Variants in ARPC5 observed in about 807,000 individuals in gnomAD.
ARPC5 encodes the protein actin related protein 2/3 complex subunit 5, also known as actin-related protein 2/3 complex subunit 5.
Under a neutral mutation model 15.4 loss-of-function variants are expected in ARPC5, and 5 were observed. The ratio of observed to expected loss-of-function variants is 0.32; its 90% confidence interval spans 0.17 to 0.68. ARPC5 has a LOEUF of 0.68. Ranked by LOEUF, ARPC5 falls within the 30% of genes least tolerant of loss-of-function variation. ARPC5 has a pLI of 0.71. For missense variants in ARPC5, 138 were observed against 192.8 expected (o/e 0.72, Z 1.68); for synonymous variants, 85 against 72.2 (o/e 1.18, Z -0.90).
chr1:183,632,189 T>G (rs1357415641), intron 2 of ARPC5: 1 of 152,234 alleles, frequency 6.6e-6, no homozygotes, highest in African/African-American at 2.4e-5. Context: ...TGAATAGCTA[T>G]GGACAACGGG....
Position 183,623,383 on chromosome 1 carries a change from T to C in ARPC5, c.*4149A>G. The C allele has an allele frequency of 6.5e-7, 1 of 1,547,626 alleles. No homozygotes were observed. On this transcript the variant is annotated 3_prime_UTR_variant, in exon 4 of 4. Coordinates refer to ENST00000359856, the MANE Select transcript of ARPC5 (RefSeq NM_005717.4). ...GCTTGTGGTTGGATCATCAATGTGG[T>C]GAAGTAGCACCACCTTGAGGCAGAT... is the stretch of plus-strand genomic sequence containing the variant.
At position 183,635,639 on chromosome 1, in the gene ARPC5, C is replaced by T. The variant is rs746904455; in HGVS notation, c.21G>A (p.Ser7=). ...CGTCCACCTTCCGGAAGCGGGCCGACGACACTGTGTTCTTCGACATCCCAA... is the reference window on the plus strand; with the variant it reads ...CGTCCACCTTCCGGAAGCGGGCCGATGACACTGTGTTCTTCGACATCCCAA... MSKNTV[S]SARFRKVDVD... The change falls in exon 1 of 4, where the codon TCG becomes TCA. Residue 7 remains serine (S), a synonymous_variant. Coordinates refer to ENST00000359856, the MANE Select transcript of ARPC5 (RefSeq NM_005717.4). The T allele has an allele frequency of 1.9e-6, 3 of 1,612,994 alleles. No homozygotes were observed. Among genetic ancestry groups the T allele is most frequent in the African/African-American group, 1.3e-5 (1 of 74,864 alleles).
rs982116944 is a variant in ARPC5, at chr1:183,632,971, T to C, written c.216+111A>G. ...TATCAAACTACATTATAAACTCTTC[T>C]ATGTCAAAGATAGCAAACAGTTAAA... On this transcript the variant is annotated intron_variant, in intron 2 of 3. Transcript: ENST00000359856. 7 of 837,552 alleles carry C rather than the reference T, an allele frequency of 8.4e-6. No homozygotes were observed. The African/African-American group carries it at 9.0e-5, about 11-fold the overall frequency. 51.9% of individuals were successfully genotyped at this position (837,552 alleles called of 1,614,324 possible). A position where few individuals can be genotyped will look rare whatever the true frequency, so the allele number is the denominator to read the frequency against.
Position 183,633,160 on chromosome 1 carries a change from G to A in ARPC5, c.144-6C>T. ...GGGCAGCTGTCATGTTTCCTGTGAT[G>A]GAAGTTAAGGGTGTAACAGCAAAGG... On this transcript the variant is annotated splice_polypyrimidine_tract_variant and splice_region_variant and intron_variant, in intron 1 of 3. Coordinates refer to ENST00000359856, the MANE Select transcript of ARPC5 (RefSeq NM_005717.4). 2 of 1,594,046 alleles carry A rather than the reference G, an allele frequency of 1.3e-6. No individual in the cohort carries two copies. The highest frequency in any genetic ancestry group is 2.3e-5 in the South Asian group (2 of 87,418).
rs1245415280 is a variant in ARPC5, at chr1:183,627,613, G to A, written c.394-19C>T. On this transcript the variant is annotated intron_variant, in intron 3 of 3. Transcript: ENST00000359856. Reference sequence around the variant, plus strand: ...CAAGTGCCTAAAAACAAACCAAGATGTAAATGTTGACAGAATAATAAAAGG... The same window carrying A: ...CAAGTGCCTAAAAACAAACCAAGATATAAATGTTGACAGAATAATAAAAGG... The A allele has an allele frequency of 6.2e-7, 1 of 1,601,446 alleles. No homozygotes were observed. Among genetic ancestry groups the A allele is most frequent in the South Asian group, 1.1e-5 (1 of 90,802 alleles).
In ARPC5 at chr1:183,635,664, A is replaced by C. The variant is rs1317381144; in HGVS notation, c.-5T>G. 6.2e-7 allele frequency: 1 copy of C among 1,610,274 alleles called. No homozygotes were observed. Among genetic ancestry groups the C allele is most frequent in the South Asian group, 1.1e-5 (1 of 90,514 alleles). On this transcript the variant is annotated 5_prime_UTR_variant, in exon 1 of 4. Transcript: ENST00000359856. ...CGACACTGTGTTCTTCGACATCCCA[A>C]TCCCGACCAGCGGCAAAGGCCTCTT...
Position 183,627,574 on chromosome 1 carries a change from T to C in ARPC5, c.414A>G (p.Val138=), listed in dbSNP as rs1377240231. 2.5e-6 allele frequency: 4 copies of C among 1,613,986 alleles called. No homozygotes were observed. The highest frequency in any genetic ancestry group is 3.4e-6 in the Non-Finnish European group (4 of 1,179,974). Residue 138 remains valine (V), a synonymous_variant, in exon 4 of 4, where the codon GTA becomes GTG. Coordinates refer to ENST00000359856, the MANE Select transcript of ARPC5 (RefSeq NM_005717.4). ...WHEKALAAGG[V]GSIVRVLTAR... The stretch of plus-strand genomic sequence containing the variant: ...CAGTCAAGACACGAACAATGGACCC[T>C]ACTCCTCCAGCAGCAAGTGCCTAAA...
rs1291396642 is a variant in ARPC5, at chr1:183,626,847, G to A, written c.*685C>T. On this transcript the variant is annotated 3_prime_UTR_variant, in exon 4 of 4. Transcript: ENST00000359856. ...TGCCCAACAAGCTCTGATATTTTATGGATACATTTGTATAAAGCAAGACTT... is the reference window on the plus strand; with the variant it reads ...TGCCCAACAAGCTCTGATATTTTATAGATACATTTGTATAAAGCAAGACTT... The A allele has an allele frequency of 3.3e-5, 5 of 152,190 alleles. No homozygotes were observed. The highest frequency in any genetic ancestry group is 6.5e-5 in the Admixed American group (1 of 15,268). 9.4% of individuals were successfully genotyped at this position (152,190 alleles called of 1,614,324 possible). A position where few individuals can be genotyped will look rare whatever the true frequency, so the allele number is the denominator to read the frequency against.
At position 183,635,763 on chromosome 1, in the gene ARPC5, C is replaced by A. The variant is rs543319391; in HGVS notation, c.-104G>T. ...CGGCGCCTGATTCACTTCCCTCTTC[C>A]GCTCTGAGGCGTCGCCGACTGCCGC... On this transcript the variant is annotated 5_prime_UTR_variant, in exon 1 of 4. Transcript: ENST00000359856. 1.1e-5 allele frequency: 16 copies of A among 1,460,490 alleles called. No homozygotes were observed. Among genetic ancestry groups the A allele is most frequent in the African/African-American group, 1.4e-5 (1 of 70,382 alleles). The allele number at this position is 1,460,490 out of a possible 1,614,324, so 90.5% of individuals were successfully genotyped here.
intron 1 of ARPC5, chr1:183,633,763 TCA>T (rs1649336433): frequency 6.6e-6 from 1 of 152,216 alleles, no homozygotes; most frequent in South Asian, 2.1e-4. Flanking sequence ...CTCTCATATT[TCA>T]CAAAGGTTAT....
In ARPC5 at chr1:183,629,980, A is replaced by G. The variant is rs1316871234; in HGVS notation, c.393+481T>C. Reference sequence around the variant, plus strand: ...GATTATTTCATATAAGTAAAATTATAAAATATTAGTTCTTTTGTGTTTGGC... The same window carrying G: ...GATTATTTCATATAAGTAAAATTATGAAATATTAGTTCTTTTGTGTTTGGC... On this transcript the variant is annotated intron_variant, in intron 3 of 3. Transcript: ENST00000359856. 3.9e-5 allele frequency among the ~76,000 whole-genome samples: 6 copies of G among 152,200 alleles called. No individual in the cohort carries two copies. In the South Asian group the frequency reaches 1.2e-3, roughly 31 times the overall value.
chr1:183,635,701 C>G lies in ARPC5; in HGVS notation c.-42G>C. 6.3e-7 allele frequency: 1 copy of G among 1,593,156 alleles called. No homozygotes were observed. Among genetic ancestry groups the G allele is most frequent in the Non-Finnish European group, 8.6e-7 (1 of 1,168,316 alleles). On this transcript the variant is annotated 5_prime_UTR_variant, in exon 1 of 4. Coordinates refer to ENST00000359856, the MANE Select transcript of ARPC5 (RefSeq NM_005717.4). Reference sequence around the variant, plus strand: ...GGCAAAGGCCTCTTCTTGGCGCTGCCTCTACCTCAGCAAGCCCAGCCCAGC... The same window carrying G: ...GGCAAAGGCCTCTTCTTGGCGCTGCGTCTACCTCAGCAAGCCCAGCCCAGC...
chr1:183,630,670 C>A, intron 2 of ARPC5, 33 bp from the exon 3 acceptor site: 1 of 1,589,144 alleles, frequency 6.3e-7, no homozygotes, highest in Non-Finnish European at 8.6e-7. Context: ...AACATTTAGA[C>A]ATATCTGTAT....
chr1:183,625,131 T>C lies in ARPC5; in HGVS notation c.*2401A>G, dbSNP rs1033377907. The C allele has an allele frequency of 1.3e-5, 2 of 152,034 alleles. No homozygotes were observed. Among genetic ancestry groups the C allele is most frequent in the Middle Eastern group, 3.2e-3 (1 of 316 alleles). The allele number at this position is 152,034 out of a possible 1,614,324, so 9.4% of individuals were successfully genotyped here. On this transcript the variant is annotated 3_prime_UTR_variant, in exon 4 of 4. Transcript: ENST00000359856. ...GAGATTAAAGGAGGAGAATGGGAGG[T>C]AAACAACTACTTTTGTGCTAAAAGT...
chr1:183,623,269 A>G lies in ARPC5; in HGVS notation c.*4263T>C, dbSNP rs989575765. The stretch of plus-strand genomic sequence containing the variant: ...AGAGAAATAAGAGATGTAAACATAG[A>G]TTATTTATGTTGATTACTCTTACAC... On this transcript the variant is annotated 3_prime_UTR_variant, in exon 4 of 4. Transcript: ENST00000359856. The G allele has an allele frequency of 1.1e-5, 8 of 700,630 alleles. No individual in the cohort carries two copies. The East Asian group carries it at 1.4e-4, about 12-fold the overall frequency. 43.4% of individuals were successfully genotyped at this position (700,630 alleles called of 1,614,324 possible). A position where few individuals can be genotyped will look rare whatever the true frequency, so the allele number is the denominator to read the frequency against.
rs1210349933 is a variant in ARPC5, at chr1:183,625,154, A to G, written c.*2378T>C. The G allele has an allele frequency of 4.6e-5, 7 of 152,240 alleles. No individual in the cohort carries two copies. Among genetic ancestry groups the G allele is most frequent in the Admixed American group, 4.6e-4 (7 of 15,290 alleles). The allele number at this position is 152,240 out of a possible 1,614,324, so 9.4% of individuals were successfully genotyped here. A position where few individuals can be genotyped will look rare whatever the true frequency, so the allele number is the denominator to read the frequency against. On this transcript the variant is annotated 3_prime_UTR_variant, in exon 4 of 4. Coordinates refer to ENST00000359856, the MANE Select transcript of ARPC5 (RefSeq NM_005717.4). ...GGTAAACAACTACTTTTGTGCTAAA[A>G]GTGTCCTATGGCATTTATATATATT... is the stretch of plus-strand genomic sequence containing the variant.
At chr1:183,630,680 T>G (rs1649238292) in intron 2 of ARPC5, 43 bp from the exon 3 acceptor site, 1 of 1,557,480 alleles carries the variant, frequency 6.4e-7, no homozygotes, top group Non-Finnish European at 8.7e-7. Flanking sequence ...CATATCTGTA[T>G]GAGGAGGGTT....
At chr1:183,630,386 T>C in intron 3 of ARPC5, 75 bp downstream of exon 3, 1 of 1,187,360 alleles carries the variant, frequency 8.4e-7, no homozygotes, top group Non-Finnish European at 1.2e-6. Flanking sequence ...AATGGTTATT[T>C]AGGTGAGAGA....
rs1005897546 is a variant in ARPC5 at position 183,621,689 on chromosome 1, C to T, written c.*5843G>A. On this transcript the variant is annotated 3_prime_UTR_variant, in exon 4 of 4. Transcript: ENST00000359856. ...AAGGGGTGTATTATTCATGCCTCCC[C>T]TTTTTAGACCATATAGGATAACTTC... The T allele has an allele frequency of 1.3e-5, 2 of 152,180 alleles. No homozygotes were observed. The highest frequency in any genetic ancestry group is 2.9e-5 in the Non-Finnish European group (2 of 68,034). The allele number at this position is 152,180 out of a possible 1,614,324, so 9.4% of individuals were successfully genotyped here.
Sources: allele counts gnomAD v4.1 joint callset (sites outside exome capture counted in the v4.1 genomes callset), GRCh38; gene constraint gnomAD v4.1.1; transcripts MANE v1.5; gene names NCBI Gene and HGNC (gene_info 2026-07-23, HGNC 2026-07-21).